Variants in GNL3 observed in about 807,000 individuals in gnomAD.
The protein encoded by GNL3 is G protein nucleolar 3.
Under a neutral mutation model 70.6 loss-of-function variants are expected in GNL3, and 77 were observed. That is an observed-to-expected ratio of 1.09 (90% CI 0.91 to 1.32). GNL3 has a LOEUF of 1.32. GNL3 is among the 40% of genes most tolerant of loss of function. The pLI is 0.00. For missense variants in GNL3, 634 were observed against 644.0 expected (o/e 0.98, Z 0.17); for synonymous variants, 252 against 216.1 (o/e 1.17, Z -1.46).
In GNL3 at chr3:52,694,457, G is replaced by A. The variant is rs895352983; in HGVS notation, c.*182G>A. 1 of 581,870 alleles carries A rather than the reference G, an allele frequency of 1.7e-6. No individual in the cohort carries two copies. The highest frequency in any genetic ancestry group is 3.0e-6 in the Non-Finnish European group (1 of 328,174). The allele number at this position is 581,870 out of a possible 1,614,324, so 36.0% of individuals were successfully genotyped here. On this transcript the variant is annotated 3_prime_UTR_variant, in exon 15 of 15. Coordinates refer to ENST00000418458, the MANE Select transcript of GNL3 (RefSeq NM_014366.5). ...ACAATTCATCTCATTGTGAGTGGAA[G>A]TAGTTATCTGGAATAAAAAAAGAAG...
In GNL3 at chr3:52,692,892, T is replaced by C; in HGVS notation, c.890T>C (p.Leu297Ser). The C allele has an allele frequency of 1.2e-6, 2 of 1,612,822 alleles. No homozygotes were observed. Among genetic ancestry groups the C allele is most frequent in the Non-Finnish European group, 1.7e-6 (2 of 1,179,008 alleles). Residue 297 changes from leucine to serine, a missense_variant, in exon 10 of 15, where the codon TTG (leucine) becomes TCG (serine). Leu to Ser is a moderately radical substitution (Grantham distance 145, BLOSUM62 -2). Transcript: ENST00000418458. ...TTCAGGAGCATGCAAGTTGTCCCCT[T>C]GGACAAACAGATCACAATCATAGAT... ...GLTRSMQVVP[L>S]DKQITIIDSP...
Position 52,687,519 on chromosome 3 carries a change from G to A in GNL3, c.228G>A (p.Gln76=). 6.2e-7 allele frequency: 1 copy of A among 1,613,030 alleles called. No individual in the cohort carries two copies. The highest frequency in any genetic ancestry group is 8.5e-7 in the Non-Finnish European group (1 of 1,179,046). ...LRKQRLEELK[Q]QQKLDRQKEL... ...TCTGACAGCTTGAAGAACTAAAACA[G>A]CAGCAGAAACTTGACAGGCAGAAGG... is the stretch of plus-strand genomic sequence containing the variant. The change falls in exon 4 of 15, where the codon CAG becomes CAA. Residue 76 remains glutamine, a synonymous_variant. Coordinates refer to ENST00000418458, the MANE Select transcript of GNL3 (RefSeq NM_014366.5).
chr3:52,692,888 C>G lies in GNL3; in HGVS notation c.886C>G (p.Pro296Ala). 6.2e-7 allele frequency: 1 copy of G among 1,612,888 alleles called. No homozygotes were observed. Among genetic ancestry groups the G allele is most frequent in the Middle Eastern group, 1.6e-4 (1 of 6,062 alleles). The change falls in exon 10 of 15, where the codon CCC becomes GCC. Residue 296 changes from proline to alanine, a missense_variant. Pro to Ala is a conservative substitution (Grantham distance 27). Coordinates refer to ENST00000418458, the MANE Select transcript of GNL3 (RefSeq NM_014366.5). ...TTCTTTCAGGAGCATGCAAGTTGTC[C>G]CCTTGGACAAACAGATCACAATCAT... ...MGLTRSMQVV[P>A]LDKQITIIDS...
Position 52,691,558 on chromosome 3 carries a change from GA to G in GNL3, c.802del (p.Ser268AlafsTer7). 6.3e-7 allele frequency: 1 copy of G among 1,589,044 alleles called. No homozygotes were observed. Among genetic ancestry groups the G allele is most frequent in the Non-Finnish European group, 8.6e-7 (1 of 1,159,362 alleles). On this transcript the variant is annotated frameshift_variant, in exon 9 of 15. Coordinates refer to ENST00000418458, the MANE Select transcript of GNL3 (RefSeq NM_014366.5). LOFTEE classifies it high-confidence loss of function. ...VGVIGFPNVG[K>X]SSIINSLKQE... The stretch of plus-strand genomic sequence containing the variant: ...TATTTGTAGGTTTCCCAAATGTGGG[GA>G]AAAGCAGCATTATCAATAGCTTAAA...
In GNL3 at chr3:52,686,761, C is replaced by G. The variant is rs1234528525; in HGVS notation, c.14-8C>G. On this transcript the variant is annotated splice_region_variant and splice_polypyrimidine_tract_variant and intron_variant, in intron 1 of 14. Coordinates refer to ENST00000418458, the MANE Select transcript of GNL3 (RefSeq NM_014366.5). ...GGGTTAACAGATTTGTGATGTGTTT[C>G]TTTGTAGAGTTAAAGAAAGCAAGTA... The G allele has an allele frequency of 1.9e-6, 3 of 1,603,554 alleles. No individual in the cohort carries two copies. The highest frequency in any genetic ancestry group is 2.2e-5 in the South Asian group (2 of 90,896).
intron 1 of GNL3, 64 bp from the exon 2 acceptor site, chr3:52,686,705 C>A: frequency 8.2e-7 from 1 of 1,218,902 alleles, no homozygotes; most frequent in Non-Finnish European, 1.2e-6. Context: ...GGATATAACT[C>A]CATAGTGCGT....
At chr3:52,688,220 A>G (rs545572735) in intron 5 of GNL3, 28 bp downstream of exon 5, 4 of 1,265,730 alleles carry the variant, frequency 3.2e-6, no homozygotes, top group African/African-American at 1.5e-5. Context: ...AGTGTCTGAC[A>G]GTAGTAATGA....
At chr3:52,691,131 C>T (rs142564616) in intron 8 of GNL3, 60 bp downstream of exon 8, 5 of 1,492,508 alleles carry the variant, frequency 3.4e-6, no homozygotes, top group African/African-American at 2.8e-5. Context: ...GAAGTTTAGC[C>T]AGCTCTCCAA....
intron 2 of GNL3, 62 bp downstream of exon 2, chr3:52,686,889 C>T (rs1446950235): frequency 3.2e-6 from 4 of 1,263,616 alleles, no homozygotes; most frequent in Non-Finnish European, 4.6e-6. Context: ...TGCCCTGTTC[C>T]TTTGCGGGAA....
Position 52,693,441 on chromosome 3 carries a change from A to G in GNL3, c.1221A>G (p.Thr407=). ...ASLAYYCHPP[T]SWTPPPYFNE... ...TAGCTTACTATTGCCATCCCCCTAC[A>G]TCTTGGACTCCTCCTCCATATTTTA... Residue 407 remains threonine (T), a synonymous_variant, in exon 12 of 15, where the codon ACA becomes ACG. Transcript: ENST00000418458. 3 of 1,613,950 alleles carry G rather than the reference A, an allele frequency of 1.9e-6. No individual in the cohort carries two copies. Among genetic ancestry groups the G allele is most frequent in the Non-Finnish European group, 2.5e-6 (3 of 1,179,830 alleles).
Position 52,693,663 on chromosome 3 carries a change from C to T in GNL3, c.1356C>T (p.Ile452=), listed in dbSNP as rs1315334740. The T allele has an allele frequency of 2.5e-6, 4 of 1,614,000 alleles. No individual in the cohort carries two copies. Among genetic ancestry groups the T allele is most frequent in the Non-Finnish European group, 3.4e-6 (4 of 1,180,034 alleles). The stretch of plus-strand genomic sequence containing the variant: ...AGGGCCCTCATTTGGCCAATAGCAT[C>T]CTTTTCCAGTCTTCCGGTCTGACAA... ...AIKGPHLANS[I]LFQSSGLTNG... is the part of the protein sequence containing the mutation. Residue 452 remains isoleucine (I), a synonymous_variant, in exon 13 of 15, where the codon ATC becomes ATT. Coordinates refer to ENST00000418458, the MANE Select transcript of GNL3 (RefSeq NM_014366.5).
At chr3:52,693,106 G>A in intron 10 of GNL3, 60 bp downstream of exon 10, 1 of 1,599,416 alleles carries the variant, frequency 6.3e-7, no homozygotes, top group South Asian at 1.1e-5. Context: ...TAAGCATTTT[G>A]AGTAGAAAAA....
At chr3:52,693,383 T>C (rs777863048) in intron 11 of GNL3, 25 bp from the exon 12 acceptor site, 1 of 1,613,972 alleles carries the variant, frequency 6.2e-7, no homozygotes, top group Admixed American at 1.7e-5. Flanking sequence ...AACCTTCTTT[T>C]GACACATCTT....
At chr3:52,686,186 C>G (rs1292998173) in intron 1 of GNL3, 81 bp downstream of exon 1, 1 of 1,506,750 alleles carries the variant, frequency 6.6e-7, no homozygotes, top group Non-Finnish European at 9.2e-7. Flanking sequence ...TCTACGGCTA[C>G]GGCTTTGTCT....
rs143655900 is a variant in GNL3, at chr3:52,693,201, T to C, written c.1059T>C (p.Tyr353=). Residue 353 remains tyrosine (Y), a synonymous_variant, in exon 11 of 15, where the codon TAT becomes TAC. Transcript: ENST00000418458. The stretch of plus-strand genomic sequence containing the variant: ...TTTTTTTTAAGGTAGTACTGAAATA[T>C]ACTGTCCCAGGCTACAGGAATTCTC... ...QADARQVVLK[Y]TVPGYRNSLE... is the part of the protein sequence containing the mutation. 2.8e-4 allele frequency: 444 copies of C among 1,611,554 alleles called. 2 individuals carry two copies. The East Asian group carries it at 9.3e-3, about 34-fold the overall frequency.
intron 9 of GNL3, among the ~76,000 whole-genome samples, chr3:52,692,319 AT>A (rs2097328055): frequency 6.8e-6 from 1 of 147,558 alleles, no homozygotes; most frequent in South Asian, 2.1e-4. Context: ...AAGTGTTGGG[AT>A]TACACTTGTG....
At chr3:52,689,328 C>G in intron 6 of GNL3, 122 bp downstream of exon 6, 1 of 955,838 alleles carries the variant, frequency 1.0e-6, no homozygotes, top group Non-Finnish European at 1.7e-6. Context: ...AGTACGTGCA[C>G]TTTGCCAGAG....
At chr3:52,686,312 C>A in intron 1 of GNL3, 4 of 612,082 alleles carry the variant, frequency 6.5e-6, no homozygotes, top group East Asian at 5.6e-5. Context: ...TTCTGCGGAA[C>A]GAAGCCGGGC....
chr3:52,687,156 C>G, intron 2 of GNL3, 90 bp from the exon 3 acceptor site: 1 of 1,107,614 alleles, frequency 9.0e-7, no homozygotes, highest in South Asian at 1.4e-5. Flanking sequence ...ATAGGCATAA[C>G]TAAATTGCAG....
Sources: allele counts gnomAD v4.1 joint callset (sites outside exome capture counted in the v4.1 genomes callset), GRCh38; gene constraint gnomAD v4.1.1; transcripts MANE v1.5; gene names NCBI Gene and HGNC (gene_info 2026-07-23, HGNC 2026-07-21).